The following ZFP2 variants were observed in gnomAD, a reference collection of about 807,000 sequenced individuals.
ZFP2 encodes the protein ZFP2 zinc finger protein, also known as zinc finger protein ZFP2.
In ZFP2, 33 loss-of-function variants were observed where a neutral mutation model predicts 36.1. The observed-to-expected ratio is 0.92, with a 90% CI of 0.69 to 1.22. The LOEUF is 1.22. ZFP2 is among the 50% of genes most tolerant of loss of function. The pLI is 0.00. For missense variants in ZFP2, 522 were observed against 551.4 expected (o/e 0.95, Z 0.53); for synonymous variants, 170 against 178.0 (o/e 0.96, Z 0.36).
At chr5:178,921,093 A>G (rs1367434090) in intron 4 of ZFP2, among the ~76,000 whole-genome samples, 3 of 152,058 alleles carry the variant, frequency 2.0e-5, no homozygotes, top group Non-Finnish European at 4.4e-5. Flanking sequence ...TCTTGCTCAC[A>G]TGTGTGTCAC....
At chr5:178,907,117 C>G (rs1758182219) in intron 1 of ZFP2, among the ~76,000 whole-genome samples, 1 of 152,034 alleles carries the variant, frequency 6.6e-6, no homozygotes, top group African/African-American at 2.4e-5. Context: ...GTGGAGAAGT[C>G]TGGGGAACTG....
intron 1 of ZFP2, chr5:178,909,866 C>T (rs1758252906): frequency 1.3e-6 from 2 of 1,580,522 alleles, no homozygotes; most frequent in East Asian, 4.5e-5. Context: ...CAGGGCCAAT[C>T]ACCTGAGTGA....
chr5:178,932,423 C>G lies in ZFP2; in HGVS notation c.1110C>G (p.Thr370=). 1 of 1,613,800 alleles carries G rather than the reference C, an allele frequency of 6.2e-7. No individual in the cohort carries two copies. The highest frequency in any genetic ancestry group is 1.1e-5 in the South Asian group (1 of 91,034). The change falls in exon 5 of 5, where the codon ACC becomes ACG. Residue 370 remains threonine (T), a synonymous_variant. Transcript: ENST00000361362. Reference sequence around the variant, plus strand: ...ATTTCACTGGACGATCATCCCTTACCGTGCATCAGGTCATTCACACTGGAG... The same window carrying G: ...ATTTCACTGGACGATCATCCCTTACGGTGCATCAGGTCATTCACACTGGAG... ...GKHFTGRSSL[T]VHQVIHTGEK...
chr5:178,896,289 C>T (rs1282975789), intron 1 of ZFP2, among the ~76,000 whole-genome samples: 1 of 152,220 alleles, frequency 6.6e-6, no homozygotes, highest in Non-Finnish European at 1.5e-5. Context: ...GAACAAGGGC[C>T]ACGCCGGCCA....
chr5:178,905,570 C>A (rs1758150846), intron 1 of ZFP2, among the ~76,000 whole-genome samples: 3 of 151,902 alleles, frequency 2.0e-5, no homozygotes, highest in Admixed American at 6.6e-5. Context: ...TTTAAGAAAA[C>A]CTCTGTATGA....
chr5:178,907,368 G>T (rs969138771), intron 1 of ZFP2, among the ~76,000 whole-genome samples: 13 of 150,872 alleles, frequency 8.6e-5, no homozygotes, highest in Non-Finnish European at 1.0e-4. Context: ...TTTTATATAT[G>T]TATATATACA....
intron 1 of ZFP2, among the ~76,000 whole-genome samples, chr5:178,906,724 T>C (rs1044383357): frequency 6.6e-6 from 1 of 151,888 alleles, no homozygotes; most frequent in African/African-American, 2.4e-5. Context: ...TCTGGCTAAT[T>C]TTTTTGTATT....
intron 4 of ZFP2, chr5:178,922,301 T>C (rs1758574364): frequency 1.0e-6 from 1 of 968,120 alleles, no homozygotes; most frequent in Non-Finnish European, 1.7e-6. Context: ...GGTAACCAGA[T>C]TTTTGAAATG....
chr5:178,902,401 C>T (rs977805263), intron 1 of ZFP2, among the ~76,000 whole-genome samples: 14 of 152,196 alleles, frequency 9.2e-5, no homozygotes, highest in Admixed American at 5.2e-4. Flanking sequence ...ATTTTGCCAC[C>T]TGTCCTACAA....
In ZFP2 at chr5:178,931,233, T is replaced by TC; in HGVS notation, c.-77-3dup. 1.3e-6 allele frequency: 2 copies of TC among 1,498,606 alleles called. No homozygotes were observed. The highest frequency in any genetic ancestry group is 1.8e-6 in the Non-Finnish European group (2 of 1,128,044). 92.8% of individuals were successfully genotyped at this position (1,498,606 alleles called of 1,614,324 possible). ...TGTGCATTTGAATTTTTTTTTTTTT[T>TC]CAGACTGGGAGACAAGACTTGAAAC... On this transcript the variant is annotated splice_region_variant and splice_polypyrimidine_tract_variant and intron_variant, in intron 4 of 4. Transcript: ENST00000361362.
chr5:178,909,492 C>A (rs537487756), intron 1 of ZFP2, among the ~76,000 whole-genome samples: 2 of 152,154 alleles, frequency 1.3e-5, no homozygotes, highest in African/African-American at 4.8e-5. Context: ...TAGCATTGGC[C>A]CCCTGGTCCC....
At chr5:178,929,856 C>G (rs1188064260) in intron 4 of ZFP2, among the ~76,000 whole-genome samples, 1 of 151,142 alleles carries the variant, frequency 6.6e-6, no homozygotes, top group African/African-American at 2.4e-5. Flanking sequence ...GAAGAAATAC[C>G]TCAGACTGGG....
intron 4 of ZFP2, 146 bp from the exon 5 acceptor site, chr5:178,931,091 T>G (rs1053072008): frequency 1.3e-6 from 1 of 792,614 alleles, no homozygotes; most frequent in Non-Finnish European, 1.8e-6. Flanking sequence ...CTCTACCTAA[T>G]TTTGGGTACA....
chr5:178,899,467 A>G (rs1235049393), intron 1 of ZFP2, among the ~76,000 whole-genome samples: 4 of 152,146 alleles, frequency 2.6e-5, no homozygotes, highest in Non-Finnish European at 5.9e-5. Context: ...CTGTGTATAG[A>G]CTTTTAGAGG....
intron 1 of ZFP2, among the ~76,000 whole-genome samples, chr5:178,899,365 TAATA>T (rs1758000718): frequency 6.6e-6 from 1 of 152,148 alleles, no homozygotes; most frequent in African/African-American, 2.4e-5. Flanking sequence ...TCAAATAAAA[TAATA>T]AAAGTAAAAA....
chr5:178,919,836 CTG>C (rs1301795472), intron 4 of ZFP2, among the ~76,000 whole-genome samples: 1 of 152,062 alleles, frequency 6.6e-6, no homozygotes, highest in Non-Finnish European at 1.5e-5. Context: ...TAGTGCATGC[CTG>C]TAGTCCCAGC....
At chr5:178,918,967 G>A (rs1257453499) in intron 4 of ZFP2, among the ~76,000 whole-genome samples, 5 of 151,918 alleles carry the variant, frequency 3.3e-5, no homozygotes, top group African/African-American at 7.3e-5. Context: ...CCCCCTAACC[G>A]TTTTTCATTT....
chr5:178,930,861 G>T (rs1211240144), intron 4 of ZFP2, among the ~76,000 whole-genome samples: 1 of 152,150 alleles, frequency 6.6e-6, no homozygotes, highest in Non-Finnish European at 1.5e-5. Flanking sequence ...AGTGTGCAGG[G>T]TTTCCTGATC....
chr5:178,928,553 T>G (rs1758744271), intron 4 of ZFP2, among the ~76,000 whole-genome samples: 1 of 152,222 alleles, frequency 6.6e-6, no homozygotes, highest in African/African-American at 2.4e-5. Flanking sequence ...CAAAATTATT[T>G]TCTTTGACTC....
Sources: allele counts gnomAD v4.1 joint callset (sites outside exome capture counted in the v4.1 genomes callset), GRCh38; gene constraint gnomAD v4.1.1; transcripts MANE v1.5; gene names NCBI Gene and HGNC (gene_info 2026-07-23, HGNC 2026-07-21).